RASAL2: variants seen among roughly 807,000 people sequenced by gnomAD.
RASAL2 encodes ras GTPase-activating protein nGAP.
RASAL2 carries 58 observed loss-of-function variants against 128.9 expected under a neutral mutation model. The ratio of observed to expected loss-of-function variants is 0.45; its 90% confidence interval spans 0.36 to 0.56. The LOEUF (loss-of-function observed/expected upper bound fraction) is 0.56, where lower values mean the gene tolerates loss of function less well. Among genes scored for constraint, RASAL2 ranks in the 20% least tolerant of loss-of-function variants. The pLI, the probability that RASAL2 is intolerant of heterozygous loss-of-function variation, is 0.00. For missense variants in RASAL2, 1,360 were observed against 1,601.6 expected (o/e 0.85, Z 2.57); for synonymous variants, 561 against 580.8 (o/e 0.97, Z 0.49).
At chr1:178,190,375 T>G (rs1662450712) in intron 1 of RASAL2, among the ~76,000 whole-genome samples, 1 of 152,204 alleles carries the variant, frequency 6.6e-6, no homozygotes. Flanking sequence ...ACAAAATGTG[T>G]AAGGCCTTAC....
At chr1:178,104,669 C>G (rs1294318108) in intron 1 of RASAL2, among the ~76,000 whole-genome samples, 1 of 152,138 alleles carries the variant, frequency 6.6e-6, no homozygotes, top group Non-Finnish European at 1.5e-5. Flanking sequence ...TTGCTACTTT[C>G]AATGTATTAA....
At chr1:178,274,635 G>T (rs185333141) in intron 1 of RASAL2, among the ~76,000 whole-genome samples, 1 of 152,136 alleles carries the variant, frequency 6.6e-6, no homozygotes, top group East Asian at 1.9e-4. Flanking sequence ...CACCCAGGCT[G>T]GAATACAGTA....
At chr1:178,443,939 A>G (rs1676832134) in intron 8 of RASAL2, among the ~76,000 whole-genome samples, 1 of 152,088 alleles carries the variant, frequency 6.6e-6, no homozygotes, top group Admixed American at 6.6e-5. Context: ...ATCCAAAGAA[A>G]CTCACAGCTA....
At chr1:178,125,101 G>A (rs896745671) in intron 1 of RASAL2, among the ~76,000 whole-genome samples, 2 of 152,170 alleles carry the variant, frequency 1.3e-5, no homozygotes, top group African/African-American at 2.4e-5. Flanking sequence ...GAAAAAGTAT[G>A]TTAAGGAAGT....
Position 178,454,534 on chromosome 1 carries a change from C to G in RASAL2, c.2097C>G (p.Ile699Met). The stretch of plus-strand genomic sequence containing the variant: ...GAATGAAGCGCTTTCTTTTGGAGAT[C>G]TCTAATCCAGACACCATCTCAAACA... ...WGGMKRFLLEISNPDTISNTP... is the reference protein window; with the variant it reads ...WGGMKRFLLEMSNPDTISNTP... The change falls in exon 12 of 18, where the codon ATC becomes ATG. Residue 699 changes from isoleucine to methionine, a missense_variant. Physicochemically the swap from Ile to Met is conservative, Grantham distance 10 (BLOSUM62 1). This residue lies in a region of RASAL2 where 741 missense variants were observed against 868.6 expected (regional missense o/e 0.85). Coordinates refer to ENST00000367649, the MANE Select transcript of RASAL2 (RefSeq NM_170692.4). 2 of 1,613,688 alleles carry G rather than the reference C, an allele frequency of 1.2e-6. No homozygotes were observed. Among genetic ancestry groups the G allele is most frequent in the Non-Finnish European group, 1.7e-6 (2 of 1,179,624 alleles).
chr1:178,346,018 A>G (rs1320761310), intron 3 of RASAL2, among the ~76,000 whole-genome samples: 3 of 152,218 alleles, frequency 2.0e-5, no homozygotes, highest in Non-Finnish European at 2.9e-5. Flanking sequence ...GTGGTAGAGG[A>G]ATTGCATCAC....
In RASAL2 at chr1:178,477,348, A is replaced by G. The variant is rs927835217; in HGVS notation, c.*4109A>G. The stretch of plus-strand genomic sequence containing the variant: ...AAAAGCAAGAAATGTTGGAGTGTTG[A>G]ATTTTTAAATAGAATCTCTTTTCAT... On this transcript the variant is annotated 3_prime_UTR_variant, in exon 18 of 18. Transcript: ENST00000367649. The G allele has an allele frequency of 6.6e-6, 1 of 152,212 alleles. No individual in the cohort carries two copies. Among genetic ancestry groups the G allele is most frequent in the East Asian group, 1.9e-4 (1 of 5,200 alleles). 9.4% of individuals were successfully genotyped at this position (152,212 alleles called of 1,614,324 possible).
At chr1:178,148,006 G>T (rs752260282) in intron 1 of RASAL2, among the ~76,000 whole-genome samples, 1 of 152,086 alleles carries the variant, frequency 6.6e-6, no homozygotes, top group Admixed American at 6.5e-5. Flanking sequence ...AGGAGGCGGA[G>T]GTTGCAGTGA....
chr1:178,291,661 A>G (rs533195538), intron 2 of RASAL2, among the ~76,000 whole-genome samples: 2 of 152,364 alleles, frequency 1.3e-5, no homozygotes, highest in African/African-American at 4.8e-5. Context: ...ATTTCATTAC[A>G]TGAAAAGATT....
In RASAL2 at chr1:178,210,993, G is replaced by A. The variant is rs1055330746; in HGVS notation, c.203-72571G>A. Reference sequence around the variant, plus strand: ...CTAGGGTGTAGCTCTTTAGACTCCCGGTCTAACATGGGCTAAAGGGACAGG... The same window carrying A: ...CTAGGGTGTAGCTCTTTAGACTCCCAGTCTAACATGGGCTAAAGGGACAGG... On this transcript the variant is annotated intron_variant, in intron 1 of 17. Transcript: ENST00000367649. Among the ~76,000 whole-genome samples, 88 of 152,144 alleles carry A rather than the reference G, an allele frequency of 5.8e-4. 1 individual carries two copies. The highest frequency in any genetic ancestry group is 2.0e-3 in the African/African-American group (81 of 41,502).
intron 3 of RASAL2, among the ~76,000 whole-genome samples, chr1:178,321,860 T>C (rs1668799752): frequency 6.6e-6 from 1 of 151,702 alleles, no homozygotes; most frequent in South Asian, 2.1e-4. Context: ...AGGTGGTGCA[T>C]GTCTGTAATC....
At chr1:178,451,757 A>G (rs1351105000) in intron 10 of RASAL2, 42 bp downstream of exon 10, 1 of 1,575,554 alleles carries the variant, frequency 6.3e-7, no homozygotes, top group Non-Finnish European at 8.6e-7. Context: ...TTTCATGTAA[A>G]GGTCATCACA....
chr1:178,159,285 T>C (rs567252775), intron 1 of RASAL2, among the ~76,000 whole-genome samples: 1 of 152,318 alleles, frequency 6.6e-6, no homozygotes, highest in East Asian at 1.9e-4. Context: ...ACAAGAAACA[T>C]TGCGAATGAG....
chr1:178,383,103 T>A (rs1009903555), intron 3 of RASAL2, among the ~76,000 whole-genome samples: 13 of 151,992 alleles, frequency 8.6e-5, no homozygotes, highest in African/African-American at 3.1e-4. Flanking sequence ...ATATTAAAAA[T>A]AATAATAAAT....
At chr1:178,409,683 G>C (rs557107608) in intron 4 of RASAL2, among the ~76,000 whole-genome samples, 14 of 152,278 alleles carry the variant, frequency 9.2e-5, no homozygotes, top group South Asian at 4.2e-4. Context: ...GTACCTTTGG[G>C]TTAATTATCC....
chr1:178,365,985 T>G (rs1671377793), intron 3 of RASAL2, among the ~76,000 whole-genome samples: 1 of 152,188 alleles, frequency 6.6e-6, no homozygotes, highest in Admixed American at 6.5e-5. Context: ...AAATGCCTTT[T>G]TATGATATTG....
At chr1:178,326,874 T>C (rs1383460288) in intron 3 of RASAL2, among the ~76,000 whole-genome samples, 1 of 152,186 alleles carries the variant, frequency 6.6e-6, no homozygotes, top group Non-Finnish European at 1.5e-5. Flanking sequence ...AACCCCCTTT[T>C]TCTCCCATTT....
At chr1:178,327,596 C>T (rs1181709415) in intron 3 of RASAL2, among the ~76,000 whole-genome samples, 4 of 152,150 alleles carry the variant, frequency 2.6e-5, no homozygotes, top group Admixed American at 2.0e-4. Context: ...AAGCAATCTA[C>T]CTGCATCAGC....
At chr1:178,169,113 ACTTTTC>A in intron 1 of RASAL2, among the ~76,000 whole-genome samples, 2 of 152,258 alleles carry the variant, frequency 1.3e-5, no homozygotes, top group South Asian at 4.1e-4. Context: ...ATAGTTGCCT[ACTTTTC>A]CTTTAAAAAT....
Sources: gnomAD v4.1 joint callset for allele counts (sites outside exome capture counted in the v4.1 genomes callset) on GRCh38, gnomAD v4.1.1 for gene constraint, gnomAD v4.1.1 regional missense constraint, MANE v1.5 for transcripts, NCBI Gene and HGNC (gene_info 2026-07-23, HGNC 2026-07-21) for gene names.